Variants in NTNG1 observed in about 807,000 individuals in gnomAD.
NTNG1 encodes the protein netrin-G1.
NTNG1 carries 16 observed loss-of-function variants against 54.0 expected under a neutral mutation model. That is an observed-to-expected ratio of 0.30 (90% confidence interval 0.20 to 0.45). The LOEUF (loss-of-function observed/expected upper bound fraction) is 0.45, where lower values mean the gene tolerates loss of function less well. NTNG1 is among the 20% of genes least tolerant of loss of function. NTNG1 has a pLI of 1.00. For missense variants in NTNG1, 530 were observed against 678.7 expected (o/e 0.78, Z 2.43); for synonymous variants, 255 against 263.1 (o/e 0.97, Z 0.30).
chr1:107,352,433 C>T (rs1232500716), intron 3 of NTNG1, among the ~76,000 whole-genome samples: 2 of 152,042 alleles, frequency 1.3e-5, no homozygotes, highest in Admixed American at 1.3e-4. Flanking sequence ...GACAATGGCC[C>T]TCTTCTGACA....
At chr1:107,473,601 G>C (rs1255365092) in intron 7 of NTNG1, among the ~76,000 whole-genome samples, 1 of 152,160 alleles carries the variant, frequency 6.6e-6, no homozygotes, top group East Asian at 1.9e-4. Flanking sequence ...AAAAATGAAA[G>C]AATTAAATAA....
chr1:107,203,303 T>G (rs1658902097), intron 2 of NTNG1, among the ~76,000 whole-genome samples: 1 of 151,802 alleles, frequency 6.6e-6, no homozygotes, highest in Admixed American at 6.6e-5. Flanking sequence ...TCTCTTACTC[T>G]TTGTCTGAAA....
intron 3 of NTNG1, among the ~76,000 whole-genome samples, chr1:107,376,764 ATT>A (rs764938009): frequency 3.7e-4 from 57 of 152,032 alleles, no homozygotes; most frequent in Non-Finnish European, 7.6e-4. Flanking sequence ...TTACTGGATA[ATT>A]TCTTGGCTTT....
intron 5 of NTNG1, among the ~76,000 whole-genome samples, chr1:107,421,900 T>TA (rs1674595930): frequency 6.6e-6 from 1 of 152,134 alleles, no homozygotes; most frequent in Non-Finnish European, 1.5e-5. Context: ...TGTTTTTTCA[T>TA]AAAACACCTC....
At chr1:107,352,195 C>T (rs1190498033) in intron 3 of NTNG1, among the ~76,000 whole-genome samples, 1 of 152,212 alleles carries the variant, frequency 6.6e-6, no homozygotes, top group Admixed American at 6.5e-5. Flanking sequence ...TACAGTGGCC[C>T]TCTTCTCACA....
At chr1:107,225,161 A>G (rs915322672) in intron 2 of NTNG1, among the ~76,000 whole-genome samples, 7 of 152,176 alleles carry the variant, frequency 4.6e-5, no homozygotes, top group African/African-American at 1.7e-4. Flanking sequence ...TAGCCAGAAC[A>G]TAAGATTTAT....
intron 1 of NTNG1, among the ~76,000 whole-genome samples, chr1:107,141,788 G>T (rs1653744226): frequency 6.6e-6 from 1 of 152,172 alleles, no homozygotes; most frequent in African/African-American, 2.4e-5. Context: ...GGGGCCCCGC[G>T]CTCTCCCTCT....
chr1:107,151,273 A>G (rs1654550151), intron 2 of NTNG1, among the ~76,000 whole-genome samples: 1 of 152,208 alleles, frequency 6.6e-6, no homozygotes, highest in South Asian at 2.1e-4. Context: ...TGGATGTTCC[A>G]TAAAACTCTT....
chr1:107,222,731 G>A (rs918808847), intron 2 of NTNG1, among the ~76,000 whole-genome samples: 2 of 151,808 alleles, frequency 1.3e-5, no homozygotes, highest in African/African-American at 4.8e-5. Context: ...CCTAATTATA[G>A]GAGGAGACAA....
At chr1:107,458,066 G>T (rs1677062049) in intron 7 of NTNG1, among the ~76,000 whole-genome samples, 1 of 152,024 alleles carries the variant, frequency 6.6e-6, no homozygotes, top group African/African-American at 2.4e-5. Flanking sequence ...ATTCCAACAT[G>T]TTCGCATCTA....
intron 3 of NTNG1, among the ~76,000 whole-genome samples, chr1:107,351,663 G>A (rs567167792): frequency 6.6e-6 from 1 of 152,126 alleles, no homozygotes; most frequent in East Asian, 1.9e-4. Flanking sequence ...TTCTGCCCCT[G>A]GCCCTTCCCA....
At chr1:107,375,193 A>G (rs187144269) in intron 3 of NTNG1, among the ~76,000 whole-genome samples, 146 of 152,276 alleles carry the variant, frequency 9.6e-4, no homozygotes, top group African/African-American at 3.4e-3. Flanking sequence ...TCTCTCCAGT[A>G]CTTAGCCTTG....
chr1:107,157,360 G>A (rs1655076582), intron 2 of NTNG1, among the ~76,000 whole-genome samples: 1 of 152,098 alleles, frequency 6.6e-6, no homozygotes. Flanking sequence ...TACACTCTAA[G>A]GTTCTTGATT....
At chr1:107,236,299 C>A (rs374239213) in intron 2 of NTNG1, among the ~76,000 whole-genome samples, 1 of 152,098 alleles carries the variant, frequency 6.6e-6, no homozygotes, top group African/African-American at 2.4e-5. Flanking sequence ...AATTCTACAT[C>A]CATCAAAGTT....
chr1:107,387,378 C>T (rs947671424), intron 3 of NTNG1, among the ~76,000 whole-genome samples: 2 of 152,180 alleles, frequency 1.3e-5, no homozygotes, highest in Non-Finnish European at 2.9e-5. Context: ...TTCTGTTCAT[C>T]AGAACTCTGA....
intron 3 of NTNG1, among the ~76,000 whole-genome samples, chr1:107,376,808 C>G (rs141244564): frequency 6.6e-6 from 1 of 150,522 alleles, no homozygotes; most frequent in East Asian, 1.9e-4. Flanking sequence ...TCTTTTGCTG[C>G]CCCCCCAGCC....
At chr1:107,173,806 A>C (rs1416376829) in intron 2 of NTNG1, among the ~76,000 whole-genome samples, 1 of 150,698 alleles carries the variant, frequency 6.6e-6, no homozygotes, top group Non-Finnish European at 1.5e-5. Flanking sequence ...AAAATACTTC[A>C]GAGTCACACT....
At position 107,445,941 on chromosome 1, in the gene NTNG1, A is replaced by G. The variant is rs140474669; in HGVS notation, c.1390+9142A>G. ...CAATCATTTAAAAAAGGTAAAAACC[A>G]TTCTTAGTTCATAGGCCATTGTAAA... is the stretch of plus-strand genomic sequence containing the variant. On this transcript the variant is annotated intron_variant, in intron 7 of 7. Transcript: ENST00000370068. 2.1e-3 allele frequency among the ~76,000 whole-genome samples: 326 copies of G among 152,240 alleles called. 1 individual carries two copies. The highest frequency in any genetic ancestry group is 3.6e-3 in the Non-Finnish European group (246 of 67,988).
intron 2 of NTNG1, among the ~76,000 whole-genome samples, chr1:107,154,175 A>G (rs1654792927): frequency 6.6e-6 from 1 of 152,158 alleles, no homozygotes; most frequent in African/African-American, 2.4e-5. Flanking sequence ...GAATAGAGAA[A>G]TAAGACCAGC....
Sources: allele counts gnomAD v4.1 joint callset (sites outside exome capture counted in the v4.1 genomes callset), GRCh38; gene constraint gnomAD v4.1.1; transcripts MANE v1.5; gene names NCBI Gene and HGNC (gene_info 2026-07-23, HGNC 2026-07-21).